FAM81A: variants seen among roughly 807,000 people sequenced by gnomAD.
FAM81A encodes protein FAM81A.
FAM81A carries 19 observed loss-of-function variants against 46.7 expected under a neutral mutation model. That is an observed-to-expected ratio of 0.41 (90% confidence interval 0.28 to 0.60). The LOEUF (loss-of-function observed/expected upper bound fraction) is 0.60. FAM81A is among the 20% of genes least tolerant of loss of function. The probability of loss-of-function intolerance (pLI) is 0.34; values close to 1 mark genes in which losing one functional copy is unlikely to be tolerated. For missense variants in FAM81A, 377 were observed against 453.5 expected, an observed-to-expected ratio of 0.83 and a Z score of 1.53; for synonymous variants, 183 against 152.9, an observed-to-expected ratio of 1.20 and a Z score of -1.45.
At chr15:59,485,566 G>A (rs2081908119) in intron 3 of FAM81A, among the ~76,000 whole-genome samples, 1 of 152,204 alleles carries the variant, frequency 6.6e-6, no homozygotes, top group Non-Finnish European at 1.5e-5. Context: ...TGGGCTTGGG[G>A]TACCCCCTAA....
intron 3 of FAM81A, among the ~76,000 whole-genome samples, chr15:59,474,600 TCAA>T (rs2081742315): frequency 6.6e-6 from 1 of 152,194 alleles, no homozygotes; most frequent in Non-Finnish European, 1.5e-5. Context: ...GGGATTAAGT[TCAA>T]CATAATTTTT....
chr15:59,455,769 C>A (rs1396021799), intron 1 of FAM81A, among the ~76,000 whole-genome samples: 6 of 152,150 alleles, frequency 3.9e-5, no homozygotes, highest in African/African-American at 1.4e-4. Flanking sequence ...TGGCTCTGTT[C>A]AGGTAGATGA....
chr15:59,412,815 C>G (rs747207743), intron 2 of FAM81A, among the ~76,000 whole-genome samples: 1 of 152,004 alleles, frequency 6.6e-6, no homozygotes, highest in Non-Finnish European at 1.5e-5. Context: ...CTCTGGGCAT[C>G]GGGGTAGGAA....
chr15:59,520,025 G>A (rs143650360), intron 8 of FAM81A, among the ~76,000 whole-genome samples: 126 of 151,976 alleles, frequency 8.3e-4, no homozygotes, highest in Middle Eastern at 3.4e-3. Flanking sequence ...GGCCACATGC[G>A]ACCCAGGATG....
At chr15:59,505,718 C>T (rs2082142296) in intron 4 of FAM81A, among the ~76,000 whole-genome samples, 1 of 152,188 alleles carries the variant, frequency 6.6e-6, no homozygotes, top group South Asian at 2.1e-4. Flanking sequence ...ATGACTCTCA[C>T]TGTCAGAATC....
intron 3 of FAM81A, among the ~76,000 whole-genome samples, chr15:59,488,538 A>C (rs1178953884): frequency 6.6e-6 from 1 of 152,232 alleles, no homozygotes; most frequent in East Asian, 1.9e-4. Context: ...CTCCACCAAA[A>C]AACTATTAGT....
chr15:59,464,137 A>G (rs776182004), intron 3 of FAM81A, among the ~76,000 whole-genome samples: 20 of 152,206 alleles, frequency 1.3e-4, no homozygotes, highest in Non-Finnish European at 2.5e-4. Flanking sequence ...GTTGTTGCAA[A>G]AGACAGAATT....
At chr15:59,439,408 T>TTG (rs1567043570) in intron 1 of FAM81A, among the ~76,000 whole-genome samples, 31 of 150,538 alleles carry the variant, frequency 2.1e-4, no homozygotes, top group African/African-American at 6.6e-4. Flanking sequence ...GTGTGTGTGT[T>TTG]GGGGGGGGCG....
intron 6 of FAM81A, among the ~76,000 whole-genome samples, chr15:59,510,319 A>G (rs1336933020): frequency 1.3e-4 from 19 of 150,960 alleles, no homozygotes; most frequent in African/African-American, 4.6e-4. Flanking sequence ...CAGTGAGCCG[A>G]GATCACACCA....
intron 3 of FAM81A, among the ~76,000 whole-genome samples, chr15:59,484,033 G>C (rs1012289045): frequency 1.3e-5 from 2 of 152,080 alleles, no homozygotes; most frequent in Non-Finnish European, 2.9e-5. Context: ...TGCACCACCC[G>C]TCCACAAGCC....
chr15:59,514,280 T>C lies in FAM81A; in HGVS notation c.651-9T>C. 6.4e-7 allele frequency: 1 copy of C among 1,561,212 alleles called. No homozygotes were observed. Among genetic ancestry groups the C allele is most frequent in the Non-Finnish European group, 8.6e-7 (1 of 1,161,340 alleles). ...GTTTTACATCTAACTTGCAATTTTT[T>C]TTTTTTAGATTTAAAGGTACAGTTG... On this transcript the variant is annotated splice_polypyrimidine_tract_variant and intron_variant, in intron 6 of 8. Transcript: ENST00000288228.
At chr15:59,401,118 T>C in intron 1 of FAM81A, 2 of 651,918 alleles carry the variant, frequency 3.1e-6, no homozygotes, top group South Asian at 3.4e-5. Context: ...CTCTTGATGA[T>C]TGCAGACATG....
intron 3 of FAM81A, among the ~76,000 whole-genome samples, chr15:59,472,687 A>C (rs1322608035): frequency 1.3e-5 from 2 of 151,952 alleles, no homozygotes; most frequent in African/African-American, 4.8e-5. Context: ...AGGAGCTGAG[A>C]CTACAGGCAC....
intron 8 of FAM81A, 133 bp from the exon 9 acceptor site, chr15:59,521,121 C>G (rs2082323419): frequency 3.0e-6 from 3 of 994,234 alleles, no homozygotes; most frequent in African/African-American, 1.7e-5. Context: ...TGTTCCCCAT[C>G]ATACTTTCAT....
chr15:59,430,944 A>C (rs1037092540), intron 2 of FAM81A, among the ~76,000 whole-genome samples: 5 of 152,132 alleles, frequency 3.3e-5, no homozygotes, highest in Non-Finnish European at 5.9e-5. Context: ...TTAAATCTTT[A>C]CTCTTCTGAC....
intron 2 of FAM81A, chr15:59,402,445 T>C (rs1429796233): frequency 6.6e-6 from 1 of 152,412 alleles, no homozygotes; most frequent in Non-Finnish European, 1.5e-5. Context: ...ATGCCCATTA[T>C]ACTCACAACG....
chr15:59,456,922 A>G (rs1489687632), intron 1 of FAM81A, among the ~76,000 whole-genome samples: 4 of 152,140 alleles, frequency 2.6e-5, no homozygotes, highest in Non-Finnish European at 5.9e-5. Context: ...TGCTGAGGGA[A>G]GGGATTTTAG....
At chr15:59,452,323 C>G (rs1408307057) in intron 1 of FAM81A, among the ~76,000 whole-genome samples, 1 of 152,178 alleles carries the variant, frequency 6.6e-6, no homozygotes, top group Non-Finnish European at 1.5e-5. Flanking sequence ...ATGGGAGATC[C>G]ATTCAGTGGA....
intron 6 of FAM81A, among the ~76,000 whole-genome samples, chr15:59,509,539 A>G (rs1213913092): frequency 6.6e-6 from 1 of 152,126 alleles, no homozygotes; most frequent in Non-Finnish European, 1.5e-5. Context: ...TATAAGAGGG[A>G]GGCAATAGGG....
Sources: allele counts gnomAD v4.1 joint callset (sites outside exome capture counted in the v4.1 genomes callset), GRCh38; gene constraint gnomAD v4.1.1; transcripts MANE v1.5; gene names NCBI Gene and HGNC (gene_info 2026-07-23, HGNC 2026-07-21).